The following FBXW11 variants were observed in gnomAD, a reference collection of about 807,000 sequenced individuals.
FBXW11 encodes F-box and WD repeat domain containing 11, also known as F-box/WD repeat-containing protein 11.
Under a neutral mutation model 77.6 loss-of-function variants are expected in FBXW11, and 19 were observed. The ratio of observed to expected loss-of-function variants is 0.24; its 90% confidence interval spans 0.17 to 0.36. The LOEUF is 0.36. FBXW11 is among the 10% of genes least tolerant of loss of function. The probability of loss-of-function intolerance (pLI) is 1.00; values close to 1 mark genes in which losing one functional copy is unlikely to be tolerated. For missense variants in FBXW11, 334 were observed against 704.2 expected (o/e 0.47, Z 5.95); for synonymous variants, 235 against 249.4 (o/e 0.94, Z 0.54).
At chr5:171,911,321 C>T (rs1245431390) in intron 3 of FBXW11, among the ~76,000 whole-genome samples, 1 of 152,320 alleles carries the variant, frequency 6.6e-6, no homozygotes, top group African/African-American at 2.4e-5. Flanking sequence ...ATTGCTGGGT[C>T]CCACCCTAGA....
intron 2 of FBXW11, among the ~76,000 whole-genome samples, chr5:171,953,441 A>ATTT (rs1763452005): frequency 6.6e-6 from 1 of 152,200 alleles, no homozygotes; most frequent in Non-Finnish European, 1.5e-5. Flanking sequence ...ATTAGAAAAC[A>ATTT]GACAAGAGGC....
At chr5:171,895,074 A>G (rs896570367) in intron 6 of FBXW11, among the ~76,000 whole-genome samples, 1 of 152,200 alleles carries the variant, frequency 6.6e-6, no homozygotes, top group Non-Finnish European at 1.5e-5. Flanking sequence ...TCAGCCTTCA[A>G]ATGGAATCCA....
chr5:171,963,243 C>T (rs1296147392), intron 1 of FBXW11, among the ~76,000 whole-genome samples: 1 of 151,878 alleles, frequency 6.6e-6, no homozygotes, highest in African/African-American at 2.4e-5. Context: ...ATGAACTTAA[C>T]CCACCCAAAG....
intron 1 of FBXW11, among the ~76,000 whole-genome samples, chr5:171,967,428 G>A (rs1764248692): frequency 6.6e-6 from 1 of 152,064 alleles, no homozygotes; most frequent in Non-Finnish European, 1.5e-5. Flanking sequence ...AGACACTAAA[G>A]GAAGTTTAAT....
intron 1 of FBXW11, among the ~76,000 whole-genome samples, chr5:171,998,667 C>T (rs994795875): frequency 6.6e-6 from 1 of 151,426 alleles, no homozygotes; most frequent in African/African-American, 2.4e-5. Context: ...CCTGGTGGCA[C>T]ATGCCTACAA....
intron 1 of FBXW11, among the ~76,000 whole-genome samples, chr5:171,964,465 A>G (rs1764078140): frequency 1.3e-5 from 2 of 152,252 alleles, no homozygotes; most frequent in African/African-American, 4.8e-5. Context: ...CTTGACAGCT[A>G]GAGTCCCCAT....
intron 7 of FBXW11, among the ~76,000 whole-genome samples, chr5:171,882,447 G>A (rs561881004): frequency 4.1e-4 from 62 of 152,204 alleles, no homozygotes; most frequent in African/African-American, 1.4e-3. Context: ...GACTACAGAC[G>A]CATGCCACAA....
At position 171,861,982 on chromosome 5, in the gene FBXW11, C is replaced by T. The variant is rs1191592853; in HGVS notation, c.*2145G>A. 6.6e-6 allele frequency: 1 copy of T among 152,604 alleles called. No homozygotes were observed. Among genetic ancestry groups the T allele is most frequent in the Non-Finnish European group, 1.5e-5 (1 of 68,030 alleles). The allele number at this position is 152,604 out of a possible 1,614,324, so 9.5% of individuals were successfully genotyped here. A position where few individuals can be genotyped will look rare whatever the true frequency, so the allele number is the denominator to read the frequency against. ...AGAACTCCTTGGGTGCCAAAGTCCCCTGCTATAATTTAGTAGGCACAATTC... is the reference window on the plus strand; with the variant it reads ...AGAACTCCTTGGGTGCCAAAGTCCCTTGCTATAATTTAGTAGGCACAATTC... On this transcript the variant is annotated 3_prime_UTR_variant, in exon 14 of 14. Transcript: ENST00000517395.
chr5:171,893,465 G>C (rs2113853983), intron 6 of FBXW11, among the ~76,000 whole-genome samples: 1 of 105,456 alleles, frequency 9.5e-6, no homozygotes, highest in Admixed American at 1.3e-4. Context: ...AACCATCTCT[G>C]CTACCTCTAT....
intron 1 of FBXW11, among the ~76,000 whole-genome samples, chr5:171,979,881 G>T (rs561814884): frequency 6.6e-6 from 1 of 152,144 alleles, no homozygotes; most frequent in African/African-American, 2.4e-5. Flanking sequence ...CCCTACTGCC[G>T]TGTCCAGTTT....
chr5:171,899,770 T>C (rs1261801510), intron 5 of FBXW11, 144 bp downstream of exon 5: 3 of 688,938 alleles, frequency 4.4e-6, no homozygotes, highest in African/African-American at 3.6e-5. Flanking sequence ...GCTTTAACTT[T>C]TTCTTCCAAC....
At chr5:171,980,704 C>G (rs1224760236) in intron 1 of FBXW11, among the ~76,000 whole-genome samples, 3 of 152,164 alleles carry the variant, frequency 2.0e-5, no homozygotes, top group Admixed American at 1.3e-4. Context: ...TGTAGAGCAA[C>G]TAAACTCATA....
At chr5:171,915,512 G>A (rs1417423938) in intron 2 of FBXW11, among the ~76,000 whole-genome samples, 1 of 152,016 alleles carries the variant, frequency 6.6e-6, no homozygotes. Context: ...TGCTCTACAG[G>A]TCACAAAACT....
chr5:171,944,139 T>C (rs1227071432), intron 2 of FBXW11, among the ~76,000 whole-genome samples: 1 of 152,130 alleles, frequency 6.6e-6, no homozygotes, highest in Non-Finnish European at 1.5e-5. Flanking sequence ...CAAATTATGC[T>C]ATGAGAAATT....
intron 2 of FBXW11, among the ~76,000 whole-genome samples, chr5:171,943,171 T>G (rs1366746904): frequency 6.6e-6 from 1 of 152,190 alleles, no homozygotes; most frequent in Non-Finnish European, 1.5e-5. Context: ...TATATTAGGG[T>G]AGACAGTGTT....
rs1324079686 is a variant in FBXW11 at position 171,929,351 on chromosome 5, C to CA, written c.148-14947dup. 2.0e-5 allele frequency among the ~76,000 whole-genome samples: 3 copies of CA among 151,300 alleles called. No individual in the cohort carries two copies. The South Asian group carries it at 6.3e-4, about 32-fold the overall frequency. ...CACCACTGCACTACAGCCTGGGTGACAGAGTGAGACCTGTCTCAAAAAAAA... is the reference window on the plus strand; with the variant it reads ...CACCACTGCACTACAGCCTGGGTGACAAGAGTGAGACCTGTCTCAAAAAAAA... On this transcript the variant is annotated intron_variant, in intron 2 of 13. Coordinates refer to ENST00000517395, the MANE Select transcript of FBXW11 (RefSeq NM_001378974.1).
Position 171,895,575 on chromosome 5 carries a change from A to G in FBXW11, c.714+3429T>C, listed in dbSNP as rs140553738. The stretch of plus-strand genomic sequence containing the variant: ...ATGAATGAAGAGAGGAAGAAGGTAG[A>G]TTACTTGAAGGAGTTTGTCACTACT... On this transcript the variant is annotated intron_variant, in intron 6 of 13. Coordinates refer to ENST00000517395, the MANE Select transcript of FBXW11 (RefSeq NM_001378974.1). Among the ~76,000 whole-genome samples, 91 of 152,326 alleles carry G rather than the reference A, an allele frequency of 6.0e-4. No homozygotes were observed. In the East Asian group the frequency reaches 0.016, roughly 27 times the overall value.
At chr5:171,912,107 G>T (rs1186246708) in intron 3 of FBXW11, among the ~76,000 whole-genome samples, 2 of 152,124 alleles carry the variant, frequency 1.3e-5, no homozygotes, top group Non-Finnish European at 2.9e-5. Flanking sequence ...ACTTAAAGTG[G>T]ACTAAATCCA....
Position 171,861,677 on chromosome 5 carries a change from TACTGG to T in FBXW11, c.*2445_*2449del, listed in dbSNP as rs1757105009. ...GATTTATTGACATTACTTAGCAATT[TACTGG>T]ACAAAAGTCAAACTTTTTTGTTTTT... On this transcript the variant is annotated 3_prime_UTR_variant, in exon 14 of 14. Transcript: ENST00000517395. 1 of 152,682 alleles carries T rather than the reference TACTGG, an allele frequency of 6.5e-6. No individual in the cohort carries two copies. The highest frequency in any genetic ancestry group is 2.1e-4 in the South Asian group (1 of 4,830). The allele number at this position is 152,682 out of a possible 1,614,324, so 9.5% of individuals were successfully genotyped here.
Sources: gnomAD v4.1 joint callset for allele counts (sites outside exome capture counted in the v4.1 genomes callset) on GRCh38, gnomAD v4.1.1 for gene constraint, MANE v1.5 for transcripts, NCBI Gene and HGNC (gene_info 2026-07-23, HGNC 2026-07-21) for gene names.